Variants in ZC3H12A observed in about 807,000 individuals in gnomAD.
The protein encoded by ZC3H12A is zinc finger CCCH-type containing 12A.
Under a neutral mutation model 29.9 loss-of-function variants are expected in ZC3H12A, and 9 were observed. That is an observed-to-expected ratio of 0.30 (90% CI 0.18 to 0.53). The LOEUF is 0.53. Among genes scored for constraint, ZC3H12A ranks in the 20% least tolerant of loss-of-function variants. ZC3H12A has a pLI of 0.96. For missense variants in ZC3H12A, 617 were observed against 799.0 expected (o/e 0.77, Z 2.75); for synonymous variants, 323 against 338.1 (o/e 0.96, Z 0.49).
intron 2 of ZC3H12A, chr1:37,480,029 A>G: frequency 8.3e-7 from 1 of 1,206,628 alleles, no homozygotes. Context: ...GGAAAGTCCC[A>G]GCGGGGCCTG....
chr1:37,484,106 C>G lies in ZC3H12A; in HGVS notation c.*495C>G, dbSNP rs1019031582. On this transcript the variant is annotated 3_prime_UTR_variant, in exon 6 of 6. Coordinates refer to ENST00000373087, the MANE Select transcript of ZC3H12A (RefSeq NM_025079.3). ...GCCTCATCTGTGCTCTCGCTGGGCACGTGGCTTCATGTCAGTAAGCAAGAT... is the reference window on the plus strand; with the variant it reads ...GCCTCATCTGTGCTCTCGCTGGGCAGGTGGCTTCATGTCAGTAAGCAAGAT... 1 of 155,952 alleles carries G rather than the reference C, an allele frequency of 6.4e-6. No individual in the cohort carries two copies. Among genetic ancestry groups the G allele is most frequent in the Non-Finnish European group, 1.4e-5 (1 of 70,434 alleles). The allele number at this position is 155,952 out of a possible 1,614,324, so 9.7% of individuals were successfully genotyped here. A position where few individuals can be genotyped will look rare whatever the true frequency, so the allele number is the denominator to read the frequency against.
chr1:37,482,274 G>A, intron 4 of ZC3H12A, 160 bp from the exon 5 acceptor site: 1 of 637,132 alleles, frequency 1.6e-6, no homozygotes, highest in South Asian at 1.9e-5. Context: ...CCCTTGGTAT[G>A]ATCCCACCCA....
chr1:37,477,595 C>T (rs905737468), intron 2 of ZC3H12A, among the ~76,000 whole-genome samples: 1 of 152,224 alleles, frequency 6.6e-6, no homozygotes. Flanking sequence ...AGGCCCAGCC[C>T]AGGCATATCT....
chr1:37,483,633 C>T lies in ZC3H12A; in HGVS notation c.*22C>T. On this transcript the variant is annotated 3_prime_UTR_variant, in exon 6 of 6. Coordinates refer to ENST00000373087, the MANE Select transcript of ZC3H12A (RefSeq NM_025079.3). ...GTAAGCTGCCTGTGGCTGGCAAGGG[C>T]AGCACCCCCAGCCTCCAAGGGCCGT... The T allele has an allele frequency of 6.4e-7, 1 of 1,566,108 alleles. No individual in the cohort carries two copies. The highest frequency in any genetic ancestry group is 2.3e-4 in the Middle Eastern group (1 of 4,304).
chr1:37,477,465 C>T (rs1406680995), intron 2 of ZC3H12A, among the ~76,000 whole-genome samples: 2 of 152,174 alleles, frequency 1.3e-5, no homozygotes, highest in African/African-American at 4.8e-5. Flanking sequence ...TCAGCTGCTA[C>T]TCGGTTCCTG....
rs145092946 is a variant in ZC3H12A at position 37,483,935 on chromosome 1, G to A, written c.*324G>A. On this transcript the variant is annotated 3_prime_UTR_variant, in exon 6 of 6. Transcript: ENST00000373087. ...CAAACCGTCTTTTCTCTCAGAGGGT[G>A]GGGAGGGAGGTGGGGGCAGCAGAGG... 2.7e-3 allele frequency: 764 copies of A among 280,636 alleles called. 7 individuals carry two copies. The highest frequency in any genetic ancestry group is 0.015 in the African/African-American group (709 of 46,834). The allele number at this position is 280,636 out of a possible 1,614,324, so 17.4% of individuals were successfully genotyped here. A position where few individuals can be genotyped will look rare whatever the true frequency, so the allele number is the denominator to read the frequency against.
chr1:37,482,845 C>G lies in ZC3H12A; in HGVS notation c.1034C>G (p.Pro345Arg). The G allele has an allele frequency of 6.2e-7, 1 of 1,614,010 alleles. No individual in the cohort carries two copies. Among genetic ancestry groups the G allele is most frequent in the Non-Finnish European group, 8.5e-7 (1 of 1,180,036 alleles). ...CTCCGTGCCAATGCTCTCCTCTCACCCCCCAGAGCCCCAAGCAAGGACAAA... is the reference window on the plus strand; with the variant it reads ...CTCCGTGCCAATGCTCTCCTCTCACGCCCCAGAGCCCCAAGCAAGGACAAA... ...DELRANALLS[P>R]PRAPSKDKNG... Residue 345 changes from proline (P) to arginine (R), a missense_variant, in exon 6 of 6, where the codon CCC becomes CGC. By Grantham distance (103) the Pro-to-Arg change is moderately radical. Around this residue, in one of 5 missense-constraint regions of ZC3H12A, gnomAD observed 115 missense variants for 112.5 expected, o/e 1.02. Coordinates refer to ENST00000373087, the MANE Select transcript of ZC3H12A (RefSeq NM_025079.3).
Position 37,480,395 on chromosome 1 carries a change from G to A in ZC3H12A, c.549G>A (p.Arg183=). The A allele has an allele frequency of 1.9e-6, 3 of 1,613,998 alleles. No homozygotes were observed. Among genetic ancestry groups the A allele is most frequent in the Non-Finnish European group, 2.5e-6 (3 of 1,179,900 alleles). Residue 183 remains arginine (R), a synonymous_variant, in exon 3 of 6, where the codon AGG becomes AGA. Coordinates refer to ENST00000373087, the MANE Select transcript of ZC3H12A (RefSeq NM_025079.3). ...TDITVFVPSW[R]KEQPRPDVPI... is the part of the protein sequence containing the mutation. ...TCACAGTGTTTGTGCCATCCTGGAG[G>A]AAGGAGCAGCCTCGGCCCGACGTGC...
chr1:37,483,475 G>C lies in ZC3H12A; in HGVS notation c.1664G>C (p.Ser555Thr). ...RAGSLAKEQASVYTKLCGVFP... is the reference protein window; with the variant it reads ...RAGSLAKEQATVYTKLCGVFP... The stretch of plus-strand genomic sequence containing the variant: ...GGCAGCCTGGCCAAGGAGCAGGCCA[G>C]CGTGTATACTAAGCTGTGTGGTGTG... The change falls in exon 6 of 6, where the codon AGC (serine) becomes ACC (threonine). Residue 555 changes from serine (S) to threonine (T), a missense_variant. This residue lies in a region of ZC3H12A where 172 missense variants were observed against 203.1 expected (regional missense o/e 0.85). Coordinates refer to ENST00000373087, the MANE Select transcript of ZC3H12A (RefSeq NM_025079.3). 1 of 1,614,048 alleles carries C rather than the reference G, an allele frequency of 6.2e-7. No homozygotes were observed. Among genetic ancestry groups the C allele is most frequent in the Non-Finnish European group, 8.5e-7 (1 of 1,179,948 alleles).
intron 5 of ZC3H12A, 88 bp downstream of exon 5, chr1:37,482,628 A>G (rs1320807849): frequency 6.2e-7 from 1 of 1,605,594 alleles, no homozygotes. Flanking sequence ...CCTCTTGGGG[A>G]CCTCCACCAT....
Position 37,479,426 on chromosome 1 carries a change from G to T in ZC3H12A, c.444-864G>T, listed in dbSNP as rs929565251. The T allele has an allele frequency of 1.3e-5, 13 of 985,330 alleles. 1 individual carries two copies. The highest frequency in any genetic ancestry group is 1.6e-5 in the Non-Finnish European group (13 of 829,938). The allele number at this position is 985,330 out of a possible 1,614,324, so 61.0% of individuals were successfully genotyped here. Reference sequence around the variant, plus strand: ...GGAGCCCTGCCAGGCTTCCTTCTGGGTGCAGCCACCTGTGGGTGGGGCGCG... The same window carrying T: ...GGAGCCCTGCCAGGCTTCCTTCTGGTTGCAGCCACCTGTGGGTGGGGCGCG... On this transcript the variant is annotated intron_variant, in intron 2 of 5. Transcript: ENST00000373087. This position sits in a 1 kb window ranked among gnomAD's most constrained non-coding sequence, Gnocchi z 4.5.
In ZC3H12A at chr1:37,483,098, G is replaced by A. The variant is rs751109849; in HGVS notation, c.1287G>A (p.Pro429=). ...DWLPQTLDSL[P]YVSQDCLDSG... ...TCCCACAGACGCTGGACTCACTCCCGTACGTCTCCCAGGATTGCCTGGACT... is the reference window on the plus strand; with the variant it reads ...TCCCACAGACGCTGGACTCACTCCCATACGTCTCCCAGGATTGCCTGGACT... The change falls in exon 6 of 6, where the codon CCG becomes CCA. Residue 429 remains proline (P), a synonymous_variant. Transcript: ENST00000373087. 1.2e-5 allele frequency: 19 copies of A among 1,612,666 alleles called. No individual in the cohort carries two copies. The highest frequency in any genetic ancestry group is 2.2e-5 in the South Asian group (2 of 91,008).
chr1:37,478,853 A>C lies in ZC3H12A; in HGVS notation c.444-1437A>C. 6.1e-6 allele frequency: 6 copies of C among 985,352 alleles called. No individual in the cohort carries two copies. The highest frequency in any genetic ancestry group is 6.0e-6 in the Non-Finnish European group (5 of 829,910). 61.0% of individuals were successfully genotyped at this position (985,352 alleles called of 1,614,324 possible). A position where few individuals can be genotyped will look rare whatever the true frequency, so the allele number is the denominator to read the frequency against. ...CTCAGCAAATGGGAACTTTTATTATAAGCAGGCTGGCAGATGTGGCAGAGG... is the reference window on the plus strand; with the variant it reads ...CTCAGCAAATGGGAACTTTTATTATCAGCAGGCTGGCAGATGTGGCAGAGG... On this transcript the variant is annotated intron_variant, in intron 2 of 5. Transcript: ENST00000373087. This position sits in a 1 kb window ranked among gnomAD's most constrained non-coding sequence, Gnocchi z 5.2.
Position 37,483,091 on chromosome 1 carries a change from C to A in ZC3H12A, c.1280C>A (p.Ser427Ter), listed in dbSNP as rs1641748015. The change falls in exon 6 of 6, where the codon TCA becomes TAA. Residue 427 changes from serine (S) to a stop codon, truncating the protein, a stop_gained. Transcript: ENST00000373087. LOFTEE classifies it low-confidence loss of function (END_TRUNC). ...PTDWLPQTLD[S>*]LPYVSQDCLD... Reference sequence around the variant, plus strand: ...GACTGGCTCCCACAGACGCTGGACTCACTCCCGTACGTCTCCCAGGATTGC... The same window carrying A: ...GACTGGCTCCCACAGACGCTGGACTAACTCCCGTACGTCTCCCAGGATTGC... The A allele has an allele frequency of 6.2e-7, 1 of 1,612,268 alleles. No individual in the cohort carries two copies. Among genetic ancestry groups the A allele is most frequent in the African/African-American group, 1.3e-5 (1 of 74,922 alleles).
intron 3 of ZC3H12A, among the ~76,000 whole-genome samples, chr1:37,480,719 C>G (rs1213967218): frequency 6.6e-6 from 1 of 152,194 alleles, no homozygotes; most frequent in Non-Finnish European, 1.5e-5. Context: ...AGTGGTTAAG[C>G]CTGTGGGCTC....
Position 37,482,505 on chromosome 1 carries a change from T to C in ZC3H12A, c.890T>C (p.Leu297Pro). ...GACAACTTCCTGCGTAAGAAGCCAC[T>C]CACTTTGGAGCACAGGAAGCAGCCG... ...SLDNFLRKKP[L>P]TLEHRKQPCP... Residue 297 changes from leucine to proline, a missense_variant, in exon 5 of 6, where the codon CTC becomes CCC. Around this residue, in one of 5 missense-constraint regions of ZC3H12A, gnomAD observed 255 missense variants for 402.5 expected, o/e 0.63. Coordinates refer to ENST00000373087, the MANE Select transcript of ZC3H12A (RefSeq NM_025079.3). 6.2e-7 allele frequency: 1 copy of C among 1,614,044 alleles called. No homozygotes were observed. The highest frequency in any genetic ancestry group is 8.5e-7 in the Non-Finnish European group (1 of 1,179,980).
Position 37,478,392 on chromosome 1 carries a change from C to T in ZC3H12A, c.444-1898C>T, listed in dbSNP as rs1037433250. On this transcript the variant is annotated intron_variant, in intron 2 of 5. Coordinates refer to ENST00000373087, the MANE Select transcript of ZC3H12A (RefSeq NM_025079.3). The surrounding 1 kb of genome is among the most constrained non-coding windows in gnomAD (Gnocchi z 5.2). ...GGAGCTTTGTTCTCCCAAATAAATT[C>T]TGGATCTTCTGTTAGAGACAGGAAG... is the stretch of plus-strand genomic sequence containing the variant. Among the ~76,000 whole-genome samples the T allele has an allele frequency of 6.6e-6, 1 of 152,218 alleles. No homozygotes were observed. The highest frequency in any genetic ancestry group is 2.4e-5 in the African/African-American group (1 of 41,446).
At chr1:37,480,518 C>T in intron 3 of ZC3H12A, 89 bp downstream of exon 3, 1 of 1,468,972 alleles carries the variant, frequency 6.8e-7, no homozygotes, top group South Asian at 1.4e-5. Context: ...TGACCTACAA[C>T]TTCTAGAACT....
intron 3 of ZC3H12A, among the ~76,000 whole-genome samples, 169 bp from the exon 4 acceptor site, chr1:37,481,432 G>A (rs976112780): frequency 2.0e-5 from 3 of 150,486 alleles, no homozygotes; most frequent in Admixed American, 2.0e-4. Context: ...ACTGTGCCAC[G>A]CCAAGGGAGG....
Sources: gnomAD v4.1 joint callset for allele counts (sites outside exome capture counted in the v4.1 genomes callset) on GRCh38, gnomAD v4.1.1 for gene constraint, gnomAD v4.1.1 regional missense constraint, Gnocchi (gnomAD v3.1) non-coding constraint, MANE v1.5 for transcripts, NCBI Gene and HGNC (gene_info 2026-07-23, HGNC 2026-07-21) for gene names.